NHSL1: variants seen among roughly 807,000 people sequenced by gnomAD.
NHSL1 encodes NHS-like protein 1.
Under a neutral mutation model 95.0 loss-of-function variants are expected in NHSL1, and 48 were observed. That is an observed-to-expected ratio of 0.51 (90% confidence interval 0.40 to 0.64). NHSL1 has a LOEUF of 0.64. Ranked by LOEUF, NHSL1 falls within the 30% of genes least tolerant of loss-of-function variation. The probability of loss-of-function intolerance (pLI) is 0.00; values close to 1 mark genes in which losing one functional copy is unlikely to be tolerated. For synonymous variants in NHSL1, 783 were observed against 833.9 expected (o/e 0.94, Z 1.05); for missense variants, 1,971 against 2,077.7 (o/e 0.95, Z 1.00).
intron 1 of NHSL1, among the ~76,000 whole-genome samples, chr6:138,608,065 G>A (rs1355662633): frequency 1.3e-5 from 2 of 152,226 alleles, no homozygotes; most frequent in Non-Finnish European, 2.9e-5. Flanking sequence ...GAACTGCGCA[G>A]CAGGGAACAC....
At chr6:138,560,273 G>A (rs1047198059) in intron 1 of NHSL1, among the ~76,000 whole-genome samples, 4 of 152,302 alleles carry the variant, frequency 2.6e-5, no homozygotes, top group East Asian at 3.9e-4. Flanking sequence ...CCAGAGTGGC[G>A]ATGTAACCAA....
At chr6:138,499,538 C>A, upstream of NHSL1, 1 of 693,048 alleles carries the variant, frequency 1.4e-6, no homozygotes, top group Non-Finnish European at 2.0e-6. Flanking sequence ...TGAGAGCAGC[C>A]AGTGACATCG....
chr6:138,620,835 G>A (rs56746715), intron 1 of NHSL1, among the ~76,000 whole-genome samples: 15,164 of 152,136 alleles, frequency 0.1, 1,559 homozygotes, highest in African/African-American at 0.26. Flanking sequence ...CCAATTGCCC[G>A]ACCCTCCCAC....
chr6:138,453,115 C>A (rs1305496351), intron 3 of NHSL1, among the ~76,000 whole-genome samples: 1 of 150,880 alleles, frequency 6.6e-6, no homozygotes, highest in Non-Finnish European at 1.5e-5. Context: ...GCTGGGATTA[C>A]AGGCACGTGC....
intron 5 of NHSL1, 138 bp from the exon 6 acceptor site, chr6:138,433,818 T>C (rs980711550): frequency 2.3e-6 from 3 of 1,281,878 alleles, no homozygotes; most frequent in Non-Finnish European, 3.0e-6. Flanking sequence ...GGTATCTAAG[T>C]ACATTTAAAA....
chr6:138,561,490 C>A (rs1347626203), intron 1 of NHSL1, among the ~76,000 whole-genome samples: 1 of 152,164 alleles, frequency 6.6e-6, no homozygotes, highest in Admixed American at 6.5e-5. Flanking sequence ...CTTCATTCCA[C>A]TAATCCTAAT....
At position 138,469,238 on chromosome 6, in the gene NHSL1, G is replaced by C. The variant is rs185264311; in HGVS notation, c.339+4068C>G. Among the ~76,000 whole-genome samples the C allele has an allele frequency of 3.5e-4, 54 of 152,312 alleles. 1 individual carries two copies. The highest frequency in any genetic ancestry group is 6.8e-3 in the Middle Eastern group (2 of 294). On this transcript the variant is annotated intron_variant, in intron 3 of 7. Transcript: ENST00000343505. ...GTTGAATAAATAAGCCAACTAAGCA[G>C]CCAATCACGTACTATGCGGATGCAC... is the stretch of plus-strand genomic sequence containing the variant.
intron 1 of NHSL1, among the ~76,000 whole-genome samples, chr6:138,639,797 CAAAAAAAAAAAAAAAA>C (rs56909767): frequency 8.9e-5 from 2 of 22,588 alleles, no homozygotes; most frequent in African/African-American, 1.2e-4. Flanking sequence ...GACTCAGTCT[CAAAAAAAAAAAAAAAA>C]AAAAAAAAAA....
In NHSL1 at chr6:138,436,931, C is replaced by T. The variant is rs114777151; in HGVS notation, c.665-3251G>A. Among the ~76,000 whole-genome samples, 1,161 of 152,138 alleles carry T rather than the reference C, an allele frequency of 7.6e-3. 13 individuals are homozygous for T. The highest frequency in any genetic ancestry group is 0.026 in the African/African-American group (1,096 of 41,494). On this transcript the variant is annotated intron_variant, in intron 5 of 7. Coordinates refer to ENST00000343505, the MANE Select transcript of NHSL1 (RefSeq NM_001144060.2). ...ATGATTTACTGAATACTTTTAAGTC[C>T]ACAGTTGAGATCTACTGCTCAGAAA...
intron 2 of NHSL1, among the ~76,000 whole-genome samples, chr6:138,480,704 A>T (rs1400246632): frequency 1.3e-5 from 2 of 152,232 alleles, no homozygotes; most frequent in Non-Finnish European, 2.9e-5. Flanking sequence ...GTCATTAAGC[A>T]TTGGGAGGAC....
chr6:138,433,157 C>T lies in NHSL1; in HGVS notation c.1188G>A (p.Met396Ile), dbSNP rs1775828022. The change falls in exon 6 of 8, where the codon ATG becomes ATA. Residue 396 changes from methionine to isoleucine, a missense_variant. By Grantham distance (10) the Met-to-Ile change is conservative. Transcript: ENST00000343505. ...ELRHFESENI[M>I]SPACVVSPHA... is the part of the protein sequence containing the mutation. ...GAGGAGAAACCACACACGCTGGGCT[C>T]ATTATATTTTCACTCTCGAAGTGTC... The T allele has an allele frequency of 1.9e-6, 3 of 1,551,178 alleles. No individual in the cohort carries two copies. The highest frequency in any genetic ancestry group is 2.4e-5 in the South Asian group (2 of 84,040).
rs1396121526 is a variant in NHSL1, at chr6:138,433,108, T to A, written c.1237A>T (p.Ile413Phe). 2 of 1,550,928 alleles carry A rather than the reference T, an allele frequency of 1.3e-6. No individual in the cohort carries two copies. The highest frequency in any genetic ancestry group is 2.7e-5 in the African/African-American group (2 of 73,044). The change falls in exon 6 of 8, where the codon ATC becomes TTC. Residue 413 changes from isoleucine to phenylalanine, a missense_variant. By Grantham distance (21) the Ile-to-Phe change is conservative. This residue lies in a region of NHSL1 where 1,602 missense variants were observed against 1,654.5 expected (regional missense o/e 0.97). Coordinates refer to ENST00000343505, the MANE Select transcript of NHSL1 (RefSeq NM_001144060.2). ...SPHATYSTSI[I>F]PNATLSSSSE... ...GAGGAAGACAGTGTGGCATTTGGGA[T>A]GATGCTGGTGGAGTAGGTTGCATGA...
At chr6:138,547,924 T>C (rs1008419117), upstream of NHSL1, among the ~76,000 whole-genome samples, 3 of 152,230 alleles carry the variant, frequency 2.0e-5, no homozygotes, top group Non-Finnish European at 4.4e-5. Context: ...AATATTTTCA[T>C]GGGTTACATT....
At chr6:138,641,625 A>AAAAAAC (rs1227319638) in intron 1 of NHSL1, among the ~76,000 whole-genome samples, 1 of 148,508 alleles carries the variant, frequency 6.7e-6, no homozygotes, top group Non-Finnish European at 1.5e-5. Context: ...TCCGTCTCAA[A>AAAAAAC]AAAAAAAAAA....
At chr6:138,454,619 C>T (rs1777464091) in intron 3 of NHSL1, among the ~76,000 whole-genome samples, 1 of 152,154 alleles carries the variant, frequency 6.6e-6, no homozygotes, top group Admixed American at 6.5e-5. Context: ...TGTGTGTATA[C>T]ATATGTCAAA....
chr6:138,463,206 C>T (rs1231894252), intron 3 of NHSL1, among the ~76,000 whole-genome samples: 1 of 152,188 alleles, frequency 6.6e-6, no homozygotes, highest in Non-Finnish European at 1.5e-5. Flanking sequence ...CTCTGTGCTT[C>T]TGTCTTCCAC....
chr6:138,443,667 A>T (rs1231785570), intron 4 of NHSL1, among the ~76,000 whole-genome samples: 1 of 152,102 alleles, frequency 6.6e-6, no homozygotes, highest in African/African-American at 2.4e-5. Flanking sequence ...TCTCTACCAA[A>T]AATACAAAAA....
intron 1 of NHSL1, among the ~76,000 whole-genome samples, chr6:138,539,154 A>T (rs915395723): frequency 4.6e-5 from 7 of 152,244 alleles, no homozygotes; most frequent in Admixed American, 4.6e-4. Context: ...TTGGCTGTCA[A>T]ATTAGGATCT....
At chr6:138,599,217 T>TA (rs1273604956) in intron 1 of NHSL1, among the ~76,000 whole-genome samples, 1 of 152,146 alleles carries the variant, frequency 6.6e-6, no homozygotes, top group East Asian at 1.9e-4. Flanking sequence ...CAGTACAATA[T>TA]AAAAAAATGT....
Sources: allele counts gnomAD v4.1 joint callset (sites outside exome capture counted in the v4.1 genomes callset), GRCh38; gene constraint gnomAD v4.1.1; regional missense constraint gnomAD v4.1.1; transcripts MANE v1.5; gene names NCBI Gene and HGNC (gene_info 2026-07-23, HGNC 2026-07-21).